Variants in MTA1 observed in about 807,000 individuals in gnomAD.
MTA1 encodes metastasis-associated protein MTA1.
A neutral mutation model predicts 97.0 loss-of-function variants in MTA1; 15 were observed. The observed-to-expected ratio is 0.15, with a 90% CI of 0.10 to 0.24. The LOEUF (loss-of-function observed/expected upper bound fraction) is 0.24. Ranked by LOEUF, MTA1 falls within the 10% of genes least tolerant of loss-of-function variation. The probability of loss-of-function intolerance (pLI) is 1.00; values close to 1 mark genes in which losing one functional copy is unlikely to be tolerated. For missense variants in MTA1, 709 were observed against 1,015.1 expected (o/e 0.70, Z 4.10); for synonymous variants, 435 against 417.5 (o/e 1.04, Z -0.51).
At chr14:105,468,535 G>T (rs587763191) in intron 18 of MTA1, among the ~76,000 whole-genome samples, 1 of 152,320 alleles carries the variant, frequency 6.6e-6, no homozygotes, top group South Asian at 2.1e-4. Flanking sequence ...CAGGGCCCCA[G>T]TTGGCCCCCA....
At chr14:105,450,230 C>A in intron 5 of MTA1, 31 bp from the exon 6 acceptor site, 1 of 1,610,054 alleles carries the variant, frequency 6.2e-7, no homozygotes, top group East Asian at 2.2e-5. Context: ...GCTGCCCTCG[C>A]CTTTCCAGCC....
rs781871409 is a variant in MTA1, at chr14:105,466,758, G to A, written c.1813+16G>A. 1.8e-5 allele frequency: 28 copies of A among 1,566,118 alleles called. No individual in the cohort carries two copies. The East Asian group carries it at 2.1e-4, about 12-fold the overall frequency. Reference sequence around the variant, plus strand: ...CCCAGTAGGGGTAAGGCCTGGAGCCGCGGGCGGGCGCTGCGCCGGCCCCGC... The same window carrying A: ...CCCAGTAGGGGTAAGGCCTGGAGCCACGGGCGGGCGCTGCGCCGGCCCCGC... On this transcript the variant is annotated intron_variant, in intron 18 of 20. Transcript: ENST00000331320.
chr14:105,432,384 G>A (rs1056533418), intron 1 of MTA1, among the ~76,000 whole-genome samples: 2 of 150,442 alleles, frequency 1.3e-5, no homozygotes, highest in Admixed American at 6.6e-5. Flanking sequence ...GGGATTACAG[G>A]CACATGCCAC....
At chr14:105,453,223 G>A (rs1555429110) in intron 6 of MTA1, among the ~76,000 whole-genome samples, 1 of 152,274 alleles carries the variant, frequency 6.6e-6, no homozygotes, top group Admixed American at 6.5e-5. Flanking sequence ...GGCGGCCGGC[G>A]GTGCTGAGCC....
At chr14:105,445,009 G>A (rs1354039721) in intron 2 of MTA1, among the ~76,000 whole-genome samples, 2 of 152,174 alleles carry the variant, frequency 1.3e-5, no homozygotes, top group South Asian at 2.1e-4. Context: ...TCCAGGCTGC[G>A]TCCGCCGCTA....
At chr14:105,441,260 G>GCC (rs10717006) in intron 2 of MTA1, among the ~76,000 whole-genome samples, 4 of 151,716 alleles carry the variant, frequency 2.6e-5, no homozygotes, top group Non-Finnish European at 4.4e-5. Context: ...CCCCTGGTGG[G>GCC]CCCCCCCGCC....
At chr14:105,453,294 G>C (rs1221703865) in intron 6 of MTA1, among the ~76,000 whole-genome samples, 1 of 152,272 alleles carries the variant, frequency 6.6e-6, no homozygotes, top group Non-Finnish European at 1.5e-5. Context: ...CAGAACTCCT[G>C]ATTTCTGTTG....
intron 6 of MTA1, among the ~76,000 whole-genome samples, chr14:105,451,345 C>A (rs2082921210): frequency 6.6e-6 from 1 of 152,236 alleles, no homozygotes; most frequent in Non-Finnish European, 1.5e-5. Context: ...TGCCTTAGCT[C>A]AGAGTCATGA....
rs1555431557 is a variant in MTA1 at position 105,463,570 on chromosome 14, C to T, written c.1076+19C>T. On this transcript the variant is annotated intron_variant, in intron 12 of 20. Transcript: ENST00000331320. The surrounding 1 kb of genome is among the most constrained non-coding windows in gnomAD (Gnocchi z 5.9). ...CCAACTAGTAAGTGTGCCCTCACAG[C>T]CGTCGTCCTCGTGGCCCCGGGGGCC... The T allele has an allele frequency of 6.2e-7, 1 of 1,612,250 alleles. No homozygotes were observed. Among genetic ancestry groups the T allele is most frequent in the East Asian group, 2.2e-5 (1 of 44,864 alleles).
At chr14:105,468,091 G>A in intron 18 of MTA1, 2 of 357,676 alleles carry the variant, frequency 5.6e-6, no homozygotes, top group Non-Finnish European at 1.1e-5. Context: ...GGGGCCAGCT[G>A]GGTGAAGACG....
intron 7 of MTA1, among the ~76,000 whole-genome samples, chr14:105,455,324 C>T (rs587694130): frequency 2.0e-5 from 3 of 152,356 alleles, no homozygotes; most frequent in Admixed American, 6.5e-5. Context: ...GGAGCTCCGA[C>T]GCAGTGCTCA....
chr14:105,419,888 G>C lies in MTA1; in HGVS notation c.-148G>C. The C allele has an allele frequency of 1.0e-5, 2 of 198,046 alleles. No individual in the cohort carries two copies. The highest frequency in any genetic ancestry group is 1.8e-5 in the Non-Finnish European group (2 of 113,776). 12.3% of individuals were successfully genotyped at this position (198,046 alleles called of 1,614,324 possible). A position where few individuals can be genotyped will look rare whatever the true frequency, so the allele number is the denominator to read the frequency against. ...CCTGCGCGGCCTCGGCGGCCTCGGC[G>C]GCGGCGGCGGCGGCGGCGGCGGCAG... On this transcript the variant is annotated 5_prime_UTR_variant, in exon 1 of 21. Transcript: ENST00000331320.
At chr14:105,468,813 G>A (rs1481271024) in intron 18 of MTA1, among the ~76,000 whole-genome samples, 1 of 152,196 alleles carries the variant, frequency 6.6e-6, no homozygotes, top group Admixed American at 6.5e-5. Context: ...GGCAGTGAGT[G>A]GGGGAGGGCA....
chr14:105,428,717 C>CTTTTT (rs60016099), intron 1 of MTA1, among the ~76,000 whole-genome samples: 1 of 145,492 alleles, frequency 6.9e-6, no homozygotes. Context: ...AGAAGTGTTT[C>CTTTTT]TTTTTTTTTT....
intron 18 of MTA1, chr14:105,469,064 G>A (rs1555433619): frequency 2.3e-6 from 1 of 431,600 alleles, no homozygotes. Flanking sequence ...GCCTCCTGGT[G>A]GGGCAGTGCC....
intron 1 of MTA1, among the ~76,000 whole-genome samples, chr14:105,428,519 C>G (rs111660527): frequency 1.3e-5 from 2 of 152,054 alleles, no homozygotes; most frequent in Admixed American, 6.6e-5. Flanking sequence ...CCTCCCACTT[C>G]GGACTCCCAT....
intron 1 of MTA1, among the ~76,000 whole-genome samples, chr14:105,429,686 C>T (rs1261013417): frequency 6.7e-6 from 1 of 149,250 alleles, no homozygotes; most frequent in East Asian, 2.0e-4. Flanking sequence ...ATCTCCTGAC[C>T]TTGTGATCCA....
In MTA1 at chr14:105,463,070, C is replaced by A; in HGVS notation, c.943-114C>A. On this transcript the variant is annotated intron_variant, in intron 10 of 20. Transcript: ENST00000331320. This position sits in a 1 kb window ranked among gnomAD's most constrained non-coding sequence, Gnocchi z 5.9. The stretch of plus-strand genomic sequence containing the variant: ...GCCTCCGTGCACCAAGCACACCTCG[C>A]CCTCTGGCCTCCCGCCCCCTCTGTG... The A allele has an allele frequency of 3.9e-6, 4 of 1,036,668 alleles. No homozygotes were observed. In the South Asian group the frequency reaches 5.6e-5, roughly 15 times the overall value. 64.2% of individuals were successfully genotyped at this position (1,036,668 alleles called of 1,614,324 possible).
At chr14:105,465,279 G>A in intron 16 of MTA1, 96 bp downstream of exon 16, 1 of 1,137,602 alleles carries the variant, frequency 8.8e-7, no homozygotes, top group Non-Finnish European at 1.2e-6. Flanking sequence ...TCTCTAGCTG[G>A]GAGCTCCTGG....
Sources: allele counts gnomAD v4.1 joint callset (sites outside exome capture counted in the v4.1 genomes callset), GRCh38; gene constraint gnomAD v4.1.1; non-coding constraint Gnocchi (gnomAD v3.1); transcripts MANE v1.5; gene names NCBI Gene and HGNC (gene_info 2026-07-23, HGNC 2026-07-21).